Variants in PHACTR1 observed in about 807,000 individuals in gnomAD.
PHACTR1 encodes RPEL repeat containing 1.
PHACTR1 carries 16 observed loss-of-function variants against 69.2 expected under a neutral mutation model. The ratio of observed to expected loss-of-function variants is 0.23; its 90% confidence interval spans 0.16 to 0.35. The LOEUF (loss-of-function observed/expected upper bound fraction) is 0.35, where lower values mean the gene tolerates loss of function less well. Ranked by LOEUF, PHACTR1 falls within the 10% of genes least tolerant of loss-of-function variation. The probability of loss-of-function intolerance (pLI) is 1.00; values close to 1 mark genes in which losing one functional copy is unlikely to be tolerated. For synonymous variants in PHACTR1, 312 were observed against 284.5 expected, an observed-to-expected ratio of 1.10 and a Z score of -0.97; for missense variants, 510 against 734.7, an observed-to-expected ratio of 0.69 and a Z score of 3.54.
intron 4 of PHACTR1, among the ~76,000 whole-genome samples, chr6:12,927,263 CTTTAG>C (rs902531451): frequency 6.6e-6 from 1 of 152,172 alleles, no homozygotes; most frequent in African/African-American, 2.4e-5. Context: ...TCAAAAGGGA[CTTTAG>C]TTTAGTGCTC....
Position 13,019,067 on chromosome 6 carries a change from TA to T in PHACTR1, c.251-34297del, listed in dbSNP as rs143833226. Among the ~76,000 whole-genome samples the T allele has an allele frequency of 2.2e-3, 222 of 99,134 alleles. 3 individuals are homozygous for T. Among genetic ancestry groups the T allele is most frequent in the African/African-American group, 3.2e-3 (109 of 33,682 alleles). 65.0% of individuals were successfully genotyped at this position (99,134 alleles called of 152,430 possible). ...TTTACAGTTGAAATATATATATATA[TA>T]TATATATTTTTTCTTTTTCTTTTTG... On this transcript the variant is annotated intron_variant, in intron 4 of 14. Transcript: ENST00000332995.
At chr6:12,847,919 A>G (rs1175497502) in intron 4 of PHACTR1, among the ~76,000 whole-genome samples, 1 of 152,180 alleles carries the variant, frequency 6.6e-6, no homozygotes, top group Non-Finnish European at 1.5e-5. Context: ...CAGTTAACTG[A>G]GGTTTTGAAA....
At chr6:13,045,336 GA>G (rs1804845667) in intron 4 of PHACTR1, among the ~76,000 whole-genome samples, 2 of 152,178 alleles carry the variant, frequency 1.3e-5, no homozygotes, top group Admixed American at 1.3e-4. Context: ...CTTAGTGACT[GA>G]AAAATGTTAG....
chr6:13,218,524 C>A (rs1481798154), intron 8 of PHACTR1, among the ~76,000 whole-genome samples: 1 of 152,076 alleles, frequency 6.6e-6, no homozygotes, highest in Non-Finnish European at 1.5e-5. Flanking sequence ...GTCTAGAGAT[C>A]CCTTAAAAAT....
At chr6:13,133,221 CCCCCTCCCCCTCTCCCTCTCCCTT>C (rs1170196253) in intron 5 of PHACTR1, among the ~76,000 whole-genome samples, 4 of 42,090 alleles carry the variant, frequency 9.5e-5, no homozygotes, top group Admixed American at 2.4e-4. Flanking sequence ...CCCTCCCCCT[CCCCCTCCCCCTCTCCCTCTCCCTT>C]TCCCTCTCCC....
intron 4 of PHACTR1, among the ~76,000 whole-genome samples, chr6:13,017,494 G>A (rs375535146): frequency 1.3e-5 from 2 of 152,030 alleles, no homozygotes; most frequent in East Asian, 1.9e-4. Context: ...TAGAGGGAGA[G>A]TAATTTACAA....
intron 4 of PHACTR1, among the ~76,000 whole-genome samples, chr6:12,936,891 C>T (rs1228132358): frequency 3.3e-5 from 5 of 152,112 alleles, no homozygotes; most frequent in Non-Finnish European, 7.4e-5. Flanking sequence ...GACTTTTTGC[C>T]CTAGACTTAA....
intron 5 of PHACTR1, among the ~76,000 whole-genome samples, chr6:13,139,148 T>C (rs1023838443): frequency 2.0e-5 from 3 of 151,986 alleles, no homozygotes; most frequent in African/African-American, 7.3e-5. Context: ...GAAAGCTTGT[T>C]CCTCTTCTAC....
intron 6 of PHACTR1, among the ~76,000 whole-genome samples, chr6:13,175,435 T>C (rs1408124557): frequency 6.6e-6 from 1 of 152,196 alleles, no homozygotes; most frequent in Non-Finnish European, 1.5e-5. Context: ...AAGTGGCTTG[T>C]TGAGAGCTAG....
chr6:13,061,464 G>A (rs1807669395), intron 5 of PHACTR1, among the ~76,000 whole-genome samples: 1 of 152,138 alleles, frequency 6.6e-6, no homozygotes, highest in Non-Finnish European at 1.5e-5. Context: ...ATTGGTCAGT[G>A]GGAACAATTG....
At chr6:12,895,284 C>T (rs1203719220) in intron 4 of PHACTR1, among the ~76,000 whole-genome samples, 1 of 149,776 alleles carries the variant, frequency 6.7e-6, no homozygotes, top group Non-Finnish European at 1.5e-5. Flanking sequence ...CAGGTTCCAG[C>T]GATTCTCCTG....
chr6:13,013,403 C>G (rs1248670667), intron 4 of PHACTR1, among the ~76,000 whole-genome samples: 1 of 152,206 alleles, frequency 6.6e-6, no homozygotes, highest in Admixed American at 6.5e-5. Context: ...TGGAGGGGAG[C>G]TTGCACCCGA....
chr6:12,978,119 A>G (rs1196797939), intron 4 of PHACTR1, among the ~76,000 whole-genome samples: 2 of 152,038 alleles, frequency 1.3e-5, no homozygotes, highest in African/African-American at 2.4e-5. Flanking sequence ...TAGAAATCCA[A>G]CCGCATCCTG....
At chr6:12,904,021 T>C (rs560268754) in intron 4 of PHACTR1, among the ~76,000 whole-genome samples, 2 of 152,354 alleles carry the variant, frequency 1.3e-5, no homozygotes, top group East Asian at 3.9e-4. Context: ...TTGCTTATTA[T>C]TATTTTGACA....
chr6:12,790,611 G>A (rs996084783), intron 4 of PHACTR1, among the ~76,000 whole-genome samples: 1 of 152,252 alleles, frequency 6.6e-6, no homozygotes, highest in Non-Finnish European at 1.5e-5. Flanking sequence ...GACATAGTGA[G>A]TGCTCAGTAA....
intron 4 of PHACTR1, among the ~76,000 whole-genome samples, chr6:13,046,472 C>T (rs992934243): frequency 1.4e-4 from 22 of 151,986 alleles, no homozygotes; most frequent in African/African-American, 3.6e-4. Flanking sequence ...TGCACAGAGG[C>T]GCAGAAGAGC....
At chr6:12,982,219 C>T (rs1365232366) in intron 4 of PHACTR1, among the ~76,000 whole-genome samples, 3 of 152,198 alleles carry the variant, frequency 2.0e-5, no homozygotes, top group Admixed American at 2.0e-4. Flanking sequence ...CCCCTCCTGG[C>T]AGCTCTCTGC....
chr6:12,772,009 A>T (rs1488252287), intron 4 of PHACTR1, among the ~76,000 whole-genome samples: 1 of 152,196 alleles, frequency 6.6e-6, no homozygotes, highest in East Asian at 1.9e-4. Context: ...CAAGCCGTAG[A>T]CGCCTAGTTT....
chr6:13,028,739 T>C (rs1274528952), intron 4 of PHACTR1, among the ~76,000 whole-genome samples: 1 of 152,198 alleles, frequency 6.6e-6, no homozygotes, highest in Non-Finnish European at 1.5e-5. Flanking sequence ...CATAAGTATC[T>C]CTAGACCTTG....
Sources: allele counts gnomAD v4.1 joint callset (sites outside exome capture counted in the v4.1 genomes callset), GRCh38; gene constraint gnomAD v4.1.1; transcripts MANE v1.5; gene names NCBI Gene and HGNC (gene_info 2026-07-23, HGNC 2026-07-21).